Variants in PTPRN2 observed in about 807,000 individuals in gnomAD.
The protein encoded by PTPRN2 is protein tyrosine phosphatase receptor type N2, also known as receptor-type tyrosine-protein phosphatase N2.
Under a neutral mutation model 118.8 loss-of-function variants are expected in PTPRN2, and 74 were observed. The ratio of observed to expected loss-of-function variants is 0.62; its 90% CI spans 0.52 to 0.76. The LOEUF (loss-of-function observed/expected upper bound fraction) is 0.76, where lower values mean the gene tolerates loss of function less well. Ranked by LOEUF, PTPRN2 falls within the 30% of genes least tolerant of loss-of-function variation. The probability of loss-of-function intolerance (pLI) is 0.00; values close to 1 mark genes in which losing one functional copy is unlikely to be tolerated. For synonymous variants in PTPRN2, 641 were observed against 608.0 expected (o/e 1.05, Z -0.80); for missense variants, 1,481 against 1,394.4 (o/e 1.06, Z -0.99).
At chr7:158,244,709 G>T (rs1461883566) in intron 3 of PTPRN2, among the ~76,000 whole-genome samples, 1 of 109,148 alleles carries the variant, frequency 9.2e-6, no homozygotes, top group African/African-American at 3.8e-5. Flanking sequence ...GTGTGGTTGT[G>T]AGTTGTGTTA....
intron 2 of PTPRN2, among the ~76,000 whole-genome samples, chr7:158,403,701 C>T (rs1000666301): frequency 6.6e-6 from 1 of 152,168 alleles, no homozygotes; most frequent in African/African-American, 2.4e-5. Flanking sequence ...GTCTGAGGAT[C>T]GCACACCAAG....
At chr7:158,064,801 C>T (rs1215643380) in intron 11 of PTPRN2, among the ~76,000 whole-genome samples, 1 of 152,136 alleles carries the variant, frequency 6.6e-6, no homozygotes, top group Non-Finnish European at 1.5e-5. Flanking sequence ...ACCCCATTCT[C>T]CTCCAAGTCA....
At chr7:158,342,124 C>A (rs1586392401) in intron 2 of PTPRN2, among the ~76,000 whole-genome samples, 1 of 149,074 alleles carries the variant, frequency 6.7e-6, no homozygotes, top group African/African-American at 2.5e-5. Flanking sequence ...CACACTCTCA[C>A]CATAAGAGCT....
chr7:158,459,499 C>A (rs945026847), intron 2 of PTPRN2, among the ~76,000 whole-genome samples: 3 of 152,214 alleles, frequency 2.0e-5, no homozygotes, highest in African/African-American at 7.2e-5. Flanking sequence ...CCACCCCTAC[C>A]TATTACTCTA....
intron 12 of PTPRN2, among the ~76,000 whole-genome samples, chr7:157,791,947 T>C (rs1001425048): frequency 1.3e-5 from 2 of 152,354 alleles, no homozygotes; most frequent in Middle Eastern, 6.8e-3. Context: ...GTGCGGCTTT[T>C]CCTGCCGACC....
intron 11 of PTPRN2, among the ~76,000 whole-genome samples, chr7:157,911,505 A>G (rs1249375931): frequency 1.3e-5 from 2 of 152,210 alleles, no homozygotes; most frequent in Non-Finnish European, 1.5e-5. Flanking sequence ...TTCTCTTGAA[A>G]GTTAGAAGTT....
intron 12 of PTPRN2, among the ~76,000 whole-genome samples, chr7:157,742,093 C>T (rs963120997): frequency 7.2e-5 from 11 of 152,230 alleles, no homozygotes; most frequent in Non-Finnish European, 1.2e-4. Context: ...TATCTCTCTA[C>T]GGTGACTGAG....
intron 2 of PTPRN2, among the ~76,000 whole-genome samples, chr7:158,408,791 C>T (rs1014398576): frequency 3.9e-5 from 6 of 152,172 alleles, no homozygotes; most frequent in Middle Eastern, 3.4e-3. Flanking sequence ...TTTTGATCAA[C>T]GTCACATATG....
At chr7:158,326,456 G>A (rs961523423) in intron 2 of PTPRN2, among the ~76,000 whole-genome samples, 4 of 152,216 alleles carry the variant, frequency 2.6e-5, no homozygotes, top group East Asian at 1.9e-4. Context: ...ACTTGTACAC[G>A]TGTGCACAAT....
intron 12 of PTPRN2, among the ~76,000 whole-genome samples, chr7:157,802,010 T>C (rs550812131): frequency 5.9e-5 from 9 of 152,232 alleles, no homozygotes; most frequent in African/African-American, 1.7e-4. Context: ...CTTCTCGGCG[T>C]GCAGCTCCTT....
chr7:158,456,235 C>T (rs1214093074), intron 2 of PTPRN2, among the ~76,000 whole-genome samples: 3 of 151,644 alleles, frequency 2.0e-5, no homozygotes, highest in Non-Finnish European at 4.4e-5. Flanking sequence ...CATCGCTCTG[C>T]AGAGAACGTA....
intron 4 of PTPRN2, among the ~76,000 whole-genome samples, chr7:158,199,871 C>A (rs1826496964): frequency 6.6e-6 from 1 of 152,130 alleles, no homozygotes; most frequent in South Asian, 2.1e-4. Flanking sequence ...TGCTGAAAGC[C>A]AACACGGTTC....
At chr7:158,264,684 A>G (rs1295772907) in intron 3 of PTPRN2, among the ~76,000 whole-genome samples, 1 of 152,144 alleles carries the variant, frequency 6.6e-6, no homozygotes, top group African/African-American at 2.4e-5. Flanking sequence ...GGGAGCCAGG[A>G]GCCGTGGGCT....
chr7:158,165,937 A>C (rs946249721), intron 6 of PTPRN2, among the ~76,000 whole-genome samples: 1 of 152,200 alleles, frequency 6.6e-6, no homozygotes. Flanking sequence ...CATGGTGAGC[A>C]GCATGAAATC....
chr7:157,545,548 G>A lies in PTPRN2; in HGVS notation c.2976+3398C>T, dbSNP rs558329264. On this transcript the variant is annotated intron_variant, in intron 22 of 22. Transcript: ENST00000389418. The stretch of plus-strand genomic sequence containing the variant: ...TGGCTGAGTGTGCCGCCTCTCTGGC[G>A]GCTCGTGTGGTGTCAAAGCCCGCAC... Among the ~76,000 whole-genome samples, 202 of 152,194 alleles carry A rather than the reference G, an allele frequency of 1.3e-3. 1 individual carries two copies. The highest frequency in any genetic ancestry group is 3.4e-3 in the Middle Eastern group (1 of 294).
At chr7:158,067,114 G>T (rs929059521) in intron 11 of PTPRN2, among the ~76,000 whole-genome samples, 4 of 152,344 alleles carry the variant, frequency 2.6e-5, no homozygotes, top group Admixed American at 2.6e-4. Context: ...AGGTTACTAT[G>T]GCCACAGGAG....
chr7:158,468,471 G>A (rs1563329031), intron 2 of PTPRN2, among the ~76,000 whole-genome samples: 1 of 151,228 alleles, frequency 6.6e-6, no homozygotes, highest in Non-Finnish European at 1.5e-5. Context: ...CCTGGGTCCC[G>A]CCCCCACCCC....
intron 12 of PTPRN2, among the ~76,000 whole-genome samples, chr7:157,721,852 T>A (rs1348596332): frequency 2.0e-5 from 3 of 152,186 alleles, no homozygotes; most frequent in Non-Finnish European, 4.4e-5. Context: ...CCCTTCCATT[T>A]TATTCATCGT....
intron 3 of PTPRN2, among the ~76,000 whole-genome samples, chr7:158,206,379 C>T (rs974150622): frequency 6.6e-6 from 1 of 152,042 alleles, no homozygotes; most frequent in African/African-American, 2.4e-5. Flanking sequence ...TGAAAGGATT[C>T]ATCATCTCCT....
Sources: allele counts gnomAD v4.1 joint callset (sites outside exome capture counted in the v4.1 genomes callset), GRCh38; gene constraint gnomAD v4.1.1; transcripts MANE v1.5; gene names NCBI Gene and HGNC (gene_info 2026-07-23, HGNC 2026-07-21).